The following CNTNAP2 variants were observed in gnomAD, a reference collection of about 807,000 sequenced individuals.
CNTNAP2 encodes contactin-associated protein-like 2.
Under a neutral mutation model 155.2 loss-of-function variants are expected in CNTNAP2, and 98 were observed. The observed-to-expected ratio is 0.63, with a 90% confidence interval of 0.54 to 0.75. The LOEUF is 0.75. Ranked by LOEUF, CNTNAP2 falls within the 30% of genes least tolerant of loss-of-function variation. The pLI is 0.00. For missense variants in CNTNAP2, 1,727 were observed against 1,688.1 expected (o/e 1.02, Z -0.40); for synonymous variants, 651 against 631.2 (o/e 1.03, Z -0.47).
intron 1 of CNTNAP2, among the ~76,000 whole-genome samples, chr7:146,642,918 A>G (rs1485693396): frequency 1.3e-5 from 2 of 151,650 alleles, no homozygotes; most frequent in East Asian, 2.0e-4. Context: ...AGTGATGAAG[A>G]GCATTGTTTC....
intron 1 of CNTNAP2, among the ~76,000 whole-genome samples, chr7:146,669,101 TAAG>T (rs911296919): frequency 1.3e-5 from 2 of 152,106 alleles, no homozygotes; most frequent in African/African-American, 4.8e-5. Context: ...CAGGAAAACT[TAAG>T]AAACGTAAGG....
intron 13 of CNTNAP2, among the ~76,000 whole-genome samples, chr7:147,733,080 T>A (rs1360118877): frequency 6.6e-6 from 1 of 152,238 alleles, no homozygotes; most frequent in African/African-American, 2.4e-5. Flanking sequence ...CCATTGCTTT[T>A]GGTGTTTTAG....
chr7:147,888,455 G>A (rs781383205), intron 13 of CNTNAP2, among the ~76,000 whole-genome samples: 4 of 151,900 alleles, frequency 2.6e-5, no homozygotes, highest in Non-Finnish European at 5.9e-5. Context: ...TTAAAAGCAA[G>A]GAGATTAGAT....
chr7:147,974,439 A>T (rs560049052), intron 14 of CNTNAP2, among the ~76,000 whole-genome samples: 18 of 152,236 alleles, frequency 1.2e-4, no homozygotes, highest in African/African-American at 3.9e-4. Context: ...AGCCTGGCCA[A>T]CATGGTAAAA....
At chr7:147,187,683 C>A (rs1246464156) in intron 8 of CNTNAP2, among the ~76,000 whole-genome samples, 1 of 152,154 alleles carries the variant, frequency 6.6e-6, no homozygotes. Context: ...CACCCCATAC[C>A]TTAGCATCAC....
chr7:147,185,235 C>A (rs1169958802), intron 8 of CNTNAP2, among the ~76,000 whole-genome samples: 1 of 151,602 alleles, frequency 6.6e-6, no homozygotes, highest in Admixed American at 6.6e-5. Context: ...ATAAAAAGAC[C>A]AAAAGCAAAT....
chr7:147,972,366 T>C (rs945645490), intron 14 of CNTNAP2, among the ~76,000 whole-genome samples: 1 of 152,232 alleles, frequency 6.6e-6, no homozygotes, highest in Non-Finnish European at 1.5e-5. Context: ...TTTCATAATA[T>C]TTGGTAGAAG....
At chr7:146,462,760 T>A (rs1796656649) in intron 1 of CNTNAP2, among the ~76,000 whole-genome samples, 1 of 152,220 alleles carries the variant, frequency 6.6e-6, no homozygotes, top group African/African-American at 2.4e-5. Context: ...GAAAAACTTA[T>A]TTACTCCTTG....
rs772284437 is a variant in CNTNAP2, at chr7:147,299,100, G to A, written c.1349-1041G>A. Among the ~76,000 whole-genome samples the A allele has an allele frequency of 8.0e-4, 121 of 152,150 alleles. 1 individual carries two copies. Among genetic ancestry groups the A allele is most frequent in the Non-Finnish European group, 1.5e-3 (103 of 68,008 alleles). ...CTACCTGTGGATTCTACATTGTGCCGTCTGAAGAAGAATAGCACAAAATAC... is the reference window on the plus strand; with the variant it reads ...CTACCTGTGGATTCTACATTGTGCCATCTGAAGAAGAATAGCACAAAATAC... On this transcript the variant is annotated intron_variant, in intron 8 of 23. Transcript: ENST00000361727.
chr7:147,282,718 A>G (rs1352241119), intron 8 of CNTNAP2, among the ~76,000 whole-genome samples: 1 of 151,858 alleles, frequency 6.6e-6, no homozygotes, highest in Non-Finnish European at 1.5e-5. Flanking sequence ...TAATTAATCA[A>G]AGGAAAGCCC....
chr7:146,360,420 C>G (rs1407113346), intron 1 of CNTNAP2, among the ~76,000 whole-genome samples: 1 of 152,094 alleles, frequency 6.6e-6, no homozygotes, highest in Non-Finnish European at 1.5e-5. Flanking sequence ...TAAATATGAA[C>G]AAGATATAAA....
intron 9 of CNTNAP2, among the ~76,000 whole-genome samples, chr7:147,307,748 A>G (rs1421229243): frequency 6.6e-6 from 1 of 152,168 alleles, no homozygotes; most frequent in Non-Finnish European, 1.5e-5. Context: ...GCTTTTGCAA[A>G]TGTTTTTGAA....
At chr7:147,466,954 A>T (rs977390005) in intron 10 of CNTNAP2, among the ~76,000 whole-genome samples, 2 of 152,148 alleles carry the variant, frequency 1.3e-5, no homozygotes, top group Admixed American at 6.5e-5. Flanking sequence ...CTAATTACAC[A>T]CTTCTGCCTT....
intron 9 of CNTNAP2, among the ~76,000 whole-genome samples, chr7:147,350,882 T>C (rs986083931): frequency 8.6e-5 from 13 of 152,022 alleles, no homozygotes; most frequent in African/African-American, 3.1e-4. Context: ...GGTTTATAAA[T>C]TGACCTTATT....
intron 1 of CNTNAP2, among the ~76,000 whole-genome samples, chr7:146,123,716 G>A (rs2116722763): frequency 6.6e-6 from 1 of 152,168 alleles, no homozygotes; most frequent in East Asian, 1.9e-4. Context: ...AATAGGCACA[G>A]TTTGTATTGT....
intron 1 of CNTNAP2, among the ~76,000 whole-genome samples, chr7:146,579,266 C>T (rs372376754): frequency 9.9e-5 from 15 of 152,060 alleles, no homozygotes; most frequent in African/African-American, 3.6e-4. Flanking sequence ...TCTCAAACAG[C>T]TACTTCTCAA....
chr7:146,401,092 C>A (rs1006382164), intron 1 of CNTNAP2, among the ~76,000 whole-genome samples: 1 of 152,150 alleles, frequency 6.6e-6, no homozygotes, highest in African/African-American at 2.4e-5. Context: ...AACAAAACAG[C>A]ACTATTTAAA....
intron 1 of CNTNAP2, among the ~76,000 whole-genome samples, chr7:146,341,554 T>C (rs1203060307): frequency 6.6e-6 from 1 of 152,170 alleles, no homozygotes; most frequent in African/African-American, 2.4e-5. Context: ...CGTGCTGCTA[T>C]ACAAGTAAAA....
chr7:147,143,818 T>A (rs1053484215), intron 8 of CNTNAP2, among the ~76,000 whole-genome samples: 29 of 152,298 alleles, frequency 1.9e-4, no homozygotes, highest in African/African-American at 6.7e-4. Flanking sequence ...GGGTAAACTA[T>A]TTCAGGAGTA....
Sources: allele counts gnomAD v4.1 joint callset (sites outside exome capture counted in the v4.1 genomes callset), GRCh38; gene constraint gnomAD v4.1.1; transcripts MANE v1.5; gene names NCBI Gene and HGNC (gene_info 2026-07-23, HGNC 2026-07-21).